Variants in BEND3 observed in about 807,000 individuals in gnomAD.
BEND3 encodes BEN domain-containing protein 3.
A neutral mutation model predicts 60.1 loss-of-function variants in BEND3; 13 were observed. The observed-to-expected ratio is 0.22, with a 90% CI of 0.14 to 0.34. The LOEUF is 0.34. BEND3 is among the 10% of genes least tolerant of loss of function. The probability of loss-of-function intolerance (pLI) is 1.00; values close to 1 mark genes in which losing one functional copy is unlikely to be tolerated. For missense variants in BEND3, 896 were observed against 1,138.1 expected (o/e 0.79, Z 3.06); for synonymous variants, 497 against 491.5 (o/e 1.01, Z -0.15).
At chr6:107,084,984 T>C (rs546486196) in intron 3 of BEND3, among the ~76,000 whole-genome samples, 201 of 152,354 alleles carry the variant, frequency 1.3e-3, no homozygotes, top group African/African-American at 4.6e-3. Flanking sequence ...ACAATAAATC[T>C]TGCTGCTCCT....
intron 1 of BEND3, among the ~76,000 whole-genome samples, chr6:107,110,654 A>G (rs141189063): frequency 0.029 from 4,368 of 152,054 alleles, 221 homozygotes; most frequent in African/African-American, 0.1. Context: ...TCCTCCTCCC[A>G]GGTTCAAGCG....
chr6:107,104,818 G>A (rs574690301), intron 1 of BEND3, among the ~76,000 whole-genome samples: 11 of 151,866 alleles, frequency 7.2e-5, no homozygotes, highest in African/African-American at 2.2e-4. Flanking sequence ...ACAGGCATGC[G>A]CCACCACATA....
intron 1 of BEND3, among the ~76,000 whole-genome samples, chr6:107,100,707 C>T (rs1562314276): frequency 6.6e-6 from 1 of 152,156 alleles, no homozygotes; most frequent in East Asian, 1.9e-4. Flanking sequence ...ACCACTAAGT[C>T]TCTGATATCT....
intron 3 of BEND3, among the ~76,000 whole-genome samples, chr6:107,088,863 G>C (rs1775411022): frequency 6.6e-6 from 1 of 151,446 alleles, no homozygotes; most frequent in Non-Finnish European, 1.5e-5. Flanking sequence ...CCAAAGAAGT[G>C]AAAGATCTCG....
chr6:107,104,284 C>T (rs1172775960), intron 1 of BEND3, among the ~76,000 whole-genome samples: 2 of 106,658 alleles, frequency 1.9e-5, no homozygotes, highest in Non-Finnish European at 4.0e-5. Context: ...AGCGAGACTC[C>T]GTCTCAAAAA....
intron 1 of BEND3, among the ~76,000 whole-genome samples, chr6:107,104,592 T>C (rs1447266617): frequency 6.6e-6 from 1 of 152,220 alleles, no homozygotes; most frequent in African/African-American, 2.4e-5. Context: ...AGATTACTTA[T>C]AATAATACAA....
chr6:107,091,899 T>A (rs1400165810), intron 3 of BEND3, among the ~76,000 whole-genome samples: 1 of 151,966 alleles, frequency 6.6e-6, no homozygotes, highest in East Asian at 1.9e-4. Flanking sequence ...AAACCCTCAA[T>A]AAAACATTAG....
At chr6:107,080,580 G>T (rs1043904400) in intron 3 of BEND3, among the ~76,000 whole-genome samples, 1 of 152,048 alleles carries the variant, frequency 6.6e-6, no homozygotes, top group Non-Finnish European at 1.5e-5. Flanking sequence ...CAGATGGATT[G>T]TTCTAAAGTC....
rs148744410 is a variant in BEND3, at chr6:107,077,773, T to C, written c.241-6823A>G. Among the ~76,000 whole-genome samples the C allele has an allele frequency of 4.0e-3, 606 of 152,264 alleles. 6 individuals are homozygous for C. The highest frequency in any genetic ancestry group is 0.014 in the African/African-American group (573 of 41,544). ...TATCTGAGCCTCATTAAAATGGGAA[T>C]GTACCTATCTGCGATAGTTGTTGAG... On this transcript the variant is annotated intron_variant, in intron 3 of 3. Transcript: ENST00000369042.
intron 3 of BEND3, among the ~76,000 whole-genome samples, chr6:107,072,420 G>A (rs1432545513): frequency 2.0e-5 from 3 of 152,210 alleles, no homozygotes; most frequent in African/African-American, 7.2e-5. Context: ...TTGGCAGTCA[G>A]TGTTTGCTCT....
At chr6:107,104,280 A>T (rs1373898183) in intron 1 of BEND3, among the ~76,000 whole-genome samples, 1 of 122,174 alleles carries the variant, frequency 8.2e-6, no homozygotes, top group Non-Finnish European at 1.7e-5. Flanking sequence ...ACAGAGCGAG[A>T]CTCCGTCTCA....
chr6:107,087,743 A>G (rs1178437396), intron 3 of BEND3, among the ~76,000 whole-genome samples: 3 of 54,676 alleles, frequency 5.5e-5, no homozygotes, highest in African/African-American at 1.7e-4. Context: ...TCTCGAAACA[A>G]ACAAACAAAC....
At chr6:107,113,874 C>T (rs1326109088) in intron 1 of BEND3, 1 of 152,238 alleles carries the variant, frequency 6.6e-6, no homozygotes, top group Non-Finnish European at 1.5e-5. Context: ...GGACTCAGTT[C>T]CTTACCTCAG....
rs542682427 is a variant in BEND3 at position 107,069,709 on chromosome 6, C to T, written c.1482G>A (p.Pro494=). ...GLDAGSEGDP[P]RDDCYDSSSL... ...TGGAGGAGTCGTAGCAGTCATCACG[C>T]GGGGGGTCGCCTTCACTGCCCGCGT... Residue 494 remains proline, a synonymous_variant, in exon 4 of 4, where the codon CCG becomes CCA. Coordinates refer to ENST00000369042, the MANE Select transcript of BEND3 (RefSeq NM_001367314.1). 6.7e-5 allele frequency: 108 copies of T among 1,610,516 alleles called. No individual in the cohort carries two copies. In the South Asian group the frequency reaches 8.9e-4, roughly 13 times the overall value.
At chr6:107,099,121 G>A (rs1199995740) in intron 2 of BEND3, 128 bp downstream of exon 2, 4 of 737,216 alleles carry the variant, frequency 5.4e-6, no homozygotes, top group Non-Finnish European at 7.0e-6. Context: ...GGGAACCGGG[G>A]AACAAGTGTG....
intron 2 of BEND3, among the ~76,000 whole-genome samples, 171 bp downstream of exon 2, chr6:107,099,078 G>A (rs2115027772): frequency 6.6e-6 from 1 of 152,158 alleles, no homozygotes. Context: ...GTGACACAAG[G>A]TGCTTATAAC....
At chr6:107,110,030 CAAA>C (rs10708512) in intron 1 of BEND3, among the ~76,000 whole-genome samples, 47 of 125,520 alleles carry the variant, frequency 3.7e-4, no homozygotes, top group Admixed American at 7.2e-4. Context: ...GACCCTGACT[CAAA>C]AAAAAAAAAA....
chr6:107,097,811 A>AC (rs1775619166), intron 3 of BEND3, among the ~76,000 whole-genome samples: 1 of 151,362 alleles, frequency 6.6e-6, no homozygotes, highest in African/African-American at 2.4e-5. Context: ...AAAAAAAAAA[A>AC]AAAACCCCAA....
At position 107,067,961 on chromosome 6, in the gene BEND3, A is replaced by G. The variant is rs1774867036; in HGVS notation, c.*743T>C. The G allele has an allele frequency of 6.6e-6, 1 of 152,172 alleles. No individual in the cohort carries two copies. The highest frequency in any genetic ancestry group is 2.1e-4 in the South Asian group (1 of 4,828). 9.4% of individuals were successfully genotyped at this position (152,172 alleles called of 1,614,324 possible). ...CACGGCTGTCTACATTCATATCATCATCATCCAGTGTTCTCGCCTAAAGAG... is the reference window on the plus strand; with the variant it reads ...CACGGCTGTCTACATTCATATCATCGTCATCCAGTGTTCTCGCCTAAAGAG... On this transcript the variant is annotated 3_prime_UTR_variant, in exon 4 of 4. Coordinates refer to ENST00000369042, the MANE Select transcript of BEND3 (RefSeq NM_001367314.1).
Sources: gnomAD v4.1 joint callset for allele counts (sites outside exome capture counted in the v4.1 genomes callset) on GRCh38, gnomAD v4.1.1 for gene constraint, MANE v1.5 for transcripts, NCBI Gene and HGNC (gene_info 2026-07-23, HGNC 2026-07-21) for gene names.